The following DNAH6 variants were observed in gnomAD, a reference collection of about 807,000 sequenced individuals.
DNAH6 encodes axonemal beta dynein heavy chain 6.
Under a neutral mutation model 491.4 loss-of-function variants are expected in DNAH6, and 340 were observed. The ratio of observed to expected loss-of-function variants is 0.69; its 90% confidence interval spans 0.63 to 0.76. The LOEUF (loss-of-function observed/expected upper bound fraction) is 0.76, where lower values mean the gene tolerates loss of function less well. Ranked by LOEUF, DNAH6 falls within the 30% of genes least tolerant of loss-of-function variation. DNAH6 has a pLI of 0.00. For missense variants in DNAH6, 4,443 were observed against 4,972.2 expected, an observed-to-expected ratio of 0.89 and a Z score of 3.20; for synonymous variants, 1,603 against 1,686.1, an observed-to-expected ratio of 0.95 and a Z score of 1.21.
At chr2:84,529,554 AT>A (rs10707587) in intron 4 of DNAH6, among the ~76,000 whole-genome samples, 146,724 of 152,132 alleles carry the variant, frequency 0.96, 70,802 homozygotes, top group East Asian at 1. Context: ...AGAAATAAGG[AT>A]TTTTTTAATA....
Position 84,654,800 on chromosome 2 carries a change from T to C in DNAH6, c.5757+18T>C, listed in dbSNP as rs374458402. 5.0e-5 allele frequency: 77 copies of C among 1,549,552 alleles called. No individual in the cohort carries two copies. The African/African-American group carries it at 1.0e-3, about 21-fold the overall frequency. ...CTAAAAAAGTAAGTGCCATCAGATA[T>C]TCCCCAATATCTCCATCTGTCAGGA... is the stretch of plus-strand genomic sequence containing the variant. On this transcript the variant is annotated intron_variant, in intron 35 of 76. Coordinates refer to ENST00000389394, the MANE Select transcript of DNAH6 (RefSeq NM_001370.2).
chr2:84,770,259 A>G (rs1212308279), intron 64 of DNAH6, among the ~76,000 whole-genome samples: 7 of 152,226 alleles, frequency 4.6e-5, no homozygotes, highest in Admixed American at 4.6e-4. Flanking sequence ...TAATTTCCAG[A>G]GTTGTGACAT....
At chr2:84,795,239 G>A (rs1678228315) in intron 68 of DNAH6, among the ~76,000 whole-genome samples, 1 of 151,410 alleles carries the variant, frequency 6.6e-6, no homozygotes, top group Admixed American at 6.6e-5. Flanking sequence ...AATGGGTGCA[G>A]CACACCAGCA....
chr2:84,818,272 G>T (rs1230418959), intron 76 of DNAH6, among the ~76,000 whole-genome samples: 1 of 151,820 alleles, frequency 6.6e-6, no homozygotes, highest in African/African-American at 2.4e-5. Flanking sequence ...AATTATTCTT[G>T]CCATAAAACT....
At chr2:84,712,173 G>T (rs1356335941) in intron 56 of DNAH6, among the ~76,000 whole-genome samples, 1 of 152,200 alleles carries the variant, frequency 6.6e-6, no homozygotes, top group Non-Finnish European at 1.5e-5. Context: ...CCATTCATGA[G>T]TATGAAATCA....
intron 62 of DNAH6, among the ~76,000 whole-genome samples, chr2:84,737,983 T>C (rs185316789): frequency 3.5e-4 from 53 of 152,268 alleles, no homozygotes; most frequent in Non-Finnish European, 6.9e-4. Context: ...ATGTAGTTTT[T>C]CAGTGCTATA....
At chr2:84,588,743 A>G in intron 15 of DNAH6, 83 bp from the exon 16 acceptor site, 1 of 1,199,052 alleles carries the variant, frequency 8.3e-7, no homozygotes, top group Non-Finnish European at 1.1e-6. Flanking sequence ...AATCTTTTTA[A>G]AAATGTTTAT....
In DNAH6 at chr2:84,709,390, C is replaced by T. The variant is rs1297303162; in HGVS notation, c.9096C>T (p.Ile3032=). Reference sequence around the variant, plus strand: ...ACTGTCAGTCTCTGGAGATCCCAATCGATCCTTCCTTCAGTCTCATTAACA... The same window carrying T: ...ACTGTCAGTCTCTGGAGATCCCAATTGATCCTTCCTTCAGTCTCATTAACA... ...IQDCQSLEIP[I]DPSFSLINIL... The change falls in exon 55 of 77, where the codon ATC becomes ATT. Residue 3032 remains isoleucine, a synonymous_variant. Coordinates refer to ENST00000389394, the MANE Select transcript of DNAH6 (RefSeq NM_001370.2). 63 of 1,551,556 alleles carry T rather than the reference C, an allele frequency of 4.1e-5. No individual in the cohort carries two copies. In the Admixed American group the frequency reaches 7.5e-4, roughly 18 times the overall value.
intron 45 of DNAH6, among the ~76,000 whole-genome samples, chr2:84,692,144 A>G (rs1310788939): frequency 6.6e-6 from 1 of 152,244 alleles, no homozygotes; most frequent in Non-Finnish European, 1.5e-5. Flanking sequence ...AAGATGATGT[A>G]TATAGTAACT....
chr2:84,539,743 AG>A, intron 4 of DNAH6, among the ~76,000 whole-genome samples: 1 of 152,264 alleles, frequency 6.6e-6, no homozygotes, highest in South Asian at 2.1e-4. Context: ...TTGACCATAG[AG>A]CACTCTCCTG....
rs1196556687 is a variant in DNAH6, at chr2:84,727,768, G to A, written c.10072G>A (p.Val3358Ile). ...AACTCTCCTAACTGCTTATGTCAAT[G>A]TTTCAAGAGGACTTTTTGAGCAACA... ...EQTLLTAYVN[V>I]SRGLFEQHKL... The change falls in exon 61 of 77, where the codon GTT (valine) becomes ATT (isoleucine). Residue 3358 changes from valine to isoleucine, a missense_variant. Val to Ile is a conservative substitution (Grantham distance 29). Transcript: ENST00000389394. 1 of 1,551,368 alleles carries A rather than the reference G, an allele frequency of 6.4e-7. No individual in the cohort carries two copies. The highest frequency in any genetic ancestry group is 2.4e-5 in the East Asian group (1 of 40,924).
At chr2:84,473,592 C>T in the DNAH6 span, among the ~76,000 whole-genome samples, 3 of 152,144 alleles carry the variant, frequency 2.0e-5, no homozygotes, top group African/African-American at 7.2e-5. Flanking sequence ...AGAATCACCT[C>T]GTAAAGTAGA....
At chr2:84,578,369 A>G (rs1042001066) in intron 13 of DNAH6, among the ~76,000 whole-genome samples, 5 of 152,178 alleles carry the variant, frequency 3.3e-5, no homozygotes, top group Non-Finnish European at 4.4e-5. Context: ...AAATACTTGG[A>G]TATGTATTTA....
intron 18 of DNAH6, among the ~76,000 whole-genome samples, chr2:84,600,131 T>C (rs1188445428): frequency 6.6e-6 from 1 of 152,186 alleles, no homozygotes; most frequent in African/African-American, 2.4e-5. Context: ...GCTTGTTCTG[T>C]TAGGGACTCA....
At chr2:84,720,317 C>G (rs1050344072) in intron 59 of DNAH6, among the ~76,000 whole-genome samples, 2 of 126,474 alleles carry the variant, frequency 1.6e-5, no homozygotes, top group Non-Finnish European at 1.6e-5. Flanking sequence ...CTCGCTCTGT[C>G]GCCCAGGCTG....
At chr2:84,576,579 A>C (rs1239621441) in intron 12 of DNAH6, among the ~76,000 whole-genome samples, 1 of 152,146 alleles carries the variant, frequency 6.6e-6, no homozygotes, top group Non-Finnish European at 1.5e-5. Context: ...TTGAAAGACA[A>C]GCAGAGAAGT....
At chr2:84,817,883 C>T (rs1680644779) in intron 76 of DNAH6, among the ~76,000 whole-genome samples, 1 of 152,146 alleles carries the variant, frequency 6.6e-6, no homozygotes, top group Non-Finnish European at 1.5e-5. Context: ...AATAAAGTGA[C>T]AGCTCACCCC....
At position 84,703,301 on chromosome 2, in the gene DNAH6, C is replaced by A. The variant is rs548795659; in HGVS notation, c.8062-94C>A. The A allele has an allele frequency of 2.5e-5, 22 of 889,914 alleles. No homozygotes were observed. The Middle Eastern group carries it at 1.8e-3, about 74-fold the overall frequency. 55.1% of individuals were successfully genotyped at this position (889,914 alleles called of 1,614,324 possible). A position where few individuals can be genotyped will look rare whatever the true frequency, so the allele number is the denominator to read the frequency against. Reference sequence around the variant, plus strand: ...CAAACTGATTTAACAATTCTGTAGACGTAAAAGTCTAATACATGAGTAATA... The same window carrying A: ...CAAACTGATTTAACAATTCTGTAGAAGTAAAAGTCTAATACATGAGTAATA... On this transcript the variant is annotated intron_variant, in intron 49 of 76. Transcript: ENST00000389394.
At chr2:84,625,641 T>G (rs1334456365) in intron 29 of DNAH6, among the ~76,000 whole-genome samples, 1 of 152,188 alleles carries the variant, frequency 6.6e-6, no homozygotes. Context: ...AAAATAACAG[T>G]AAGCCCATTA....
Sources: allele counts gnomAD v4.1 joint callset (sites outside exome capture counted in the v4.1 genomes callset), GRCh38; gene constraint gnomAD v4.1.1; transcripts MANE v1.5; gene names NCBI Gene and HGNC (gene_info 2026-07-23, HGNC 2026-07-21).